MGAT5B: variants seen among roughly 807,000 people sequenced by gnomAD.
MGAT5B encodes alpha-1,6-mannosylglycoprotein 6-beta-N-acetylglucosaminyltransferase B.
MGAT5B carries 54 observed loss-of-function variants against 95.1 expected under a neutral mutation model. The ratio of observed to expected loss-of-function variants is 0.57; its 90% confidence interval spans 0.46 to 0.71. The LOEUF is 0.71. Among genes scored for constraint, MGAT5B ranks in the 30% least tolerant of loss-of-function variants. The probability of loss-of-function intolerance (pLI) is 0.00; values close to 1 mark genes in which losing one functional copy is unlikely to be tolerated. For synonymous variants in MGAT5B, 464 were observed against 451.0 expected, an observed-to-expected ratio of 1.03 and a Z score of -0.36; for missense variants, 935 against 1,088.6, an observed-to-expected ratio of 0.86 and a Z score of 1.99.
rs767338129 is a variant in MGAT5B at position 76,940,526 on chromosome 17, G to A, written c.1709G>A (p.Arg570Gln). The A allele has an allele frequency of 2.7e-5, 44 of 1,612,680 alleles. No individual in the cohort carries two copies. Among genetic ancestry groups the A allele is most frequent in the Middle Eastern group, 1.6e-4 (1 of 6,074 alleles). The change falls in exon 14 of 18, where the codon CGA becomes CAA. Residue 570 changes from arginine (R) to glutamine (Q), a missense_variant. Physicochemically the swap from Arg to Gln is conservative, Grantham distance 43. Around this residue, in one of 4 missense-constraint regions of MGAT5B, gnomAD observed 440 missense variants for 523.6 expected, o/e 0.84. Coordinates refer to ENST00000569840, the MANE Select transcript of MGAT5B (RefSeq NM_001199172.2). The surrounding 1 kb of genome is among the most constrained non-coding windows in gnomAD (Gnocchi z 4.3). ...AGCTCCCTCAACCACGAGTTCTTCC[G>A]AGGCAAGCCCACCTCCAGAGAGGTG... Reference protein sequence around the residue: ...PHSSLNHEFFRGKPTSREVFS... With the variant: ...PHSSLNHEFFQGKPTSREVFS...
chr17:76,883,651 T>C (rs1967513436), intron 3 of MGAT5B, among the ~76,000 whole-genome samples: 1 of 152,226 alleles, frequency 6.6e-6, no homozygotes, highest in Non-Finnish European at 1.5e-5. Context: ...CCACTTTCCC[T>C]CTTTTATATA....
Position 76,905,960 on chromosome 17 carries a change from G to A in MGAT5B, c.856-58G>A, listed in dbSNP as rs1271886998. ...TGGTCTCCTGGCCGGTGCCCCGGGG[G>A]GGCGGGGCTCAGAGCTGCTGCTCCT... On this transcript the variant is annotated intron_variant, in intron 7 of 17. Transcript: ENST00000569840. This position sits in a 1 kb window ranked among gnomAD's most constrained non-coding sequence, Gnocchi z 4.2. 5.3e-6 allele frequency: 8 copies of A among 1,502,860 alleles called. No individual in the cohort carries two copies. The highest frequency in any genetic ancestry group is 2.3e-4 in the Middle Eastern group (1 of 4,280). 93.1% of individuals were successfully genotyped at this position (1,502,860 alleles called of 1,614,324 possible).
intron 3 of MGAT5B, among the ~76,000 whole-genome samples, chr17:76,886,336 G>A (rs1015705600): frequency 1.4e-4 from 21 of 152,298 alleles, no homozygotes; most frequent in African/African-American, 5.1e-4. Flanking sequence ...CTCAGAGTGG[G>A]GCAGACCTGG....
At position 76,948,673 on chromosome 17, in the gene MGAT5B, G is replaced by A; in HGVS notation, c.2214G>A (p.Glu738=). The A allele has an allele frequency of 9.9e-6, 16 of 1,613,324 alleles. No individual in the cohort carries two copies. The highest frequency in any genetic ancestry group is 1.4e-5 in the Non-Finnish European group (16 of 1,179,858). The change falls in exon 18 of 18, where the codon GAG becomes GAA. Residue 738 remains glutamate (E), a synonymous_variant. Transcript: ENST00000569840. ...LQVPCDSTES[E]MNHLYPAFAQ... ...TGCCCTGTGACAGCACCGAGTCGGA[G>A]ATGAACCACCTGTACCCGGCGTTCG... is the stretch of plus-strand genomic sequence containing the variant.
At position 76,869,169 on chromosome 17, in the gene MGAT5B, G is replaced by T; in HGVS notation, c.68+72G>T. 2 of 1,327,042 alleles carry T rather than the reference G, an allele frequency of 1.5e-6. No homozygotes were observed. The highest frequency in any genetic ancestry group is 1.2e-5 in the South Asian group (1 of 85,130). The allele number at this position is 1,327,042 out of a possible 1,614,324, so 82.2% of individuals were successfully genotyped here. A position where few individuals can be genotyped will look rare whatever the true frequency, so the allele number is the denominator to read the frequency against. On this transcript the variant is annotated intron_variant, in intron 1 of 17. Coordinates refer to ENST00000569840, the MANE Select transcript of MGAT5B (RefSeq NM_001199172.2). This position sits in a 1 kb window ranked among gnomAD's most constrained non-coding sequence, Gnocchi z 7.0. Reference sequence around the variant, plus strand: ...GGAGGTGGGCGAGGTCGGTTCCTGCGAACGTTCAAGTCCTGGTGGCAGAGG... The same window carrying T: ...GGAGGTGGGCGAGGTCGGTTCCTGCTAACGTTCAAGTCCTGGTGGCAGAGG...
chr17:76,887,910 C>A (rs187697086), intron 3 of MGAT5B, among the ~76,000 whole-genome samples: 73 of 152,000 alleles, frequency 4.8e-4, no homozygotes, highest in African/African-American at 1.7e-3. Flanking sequence ...CTCTACTCCC[C>A]GCTCCCTCAT....
At chr17:76,885,230 C>T (rs549503695) in intron 3 of MGAT5B, among the ~76,000 whole-genome samples, 10 of 152,286 alleles carry the variant, frequency 6.6e-5, no homozygotes, top group African/African-American at 2.4e-4. Context: ...TCTTCTCTGA[C>T]ACTGTCTGTG....
chr17:76,908,393 A>G (rs1269847983), intron 8 of MGAT5B, among the ~76,000 whole-genome samples: 1 of 150,640 alleles, frequency 6.6e-6, no homozygotes, highest in Non-Finnish European at 1.5e-5. Context: ...CAGCCTCCTG[A>G]GTAGCTGGGA....
At chr17:76,935,858 AT>A (rs1969641867) in intron 12 of MGAT5B, among the ~76,000 whole-genome samples, 1 of 100,804 alleles carries the variant, frequency 9.9e-6, no homozygotes, top group Non-Finnish European at 2.0e-5. Flanking sequence ...TATACTATAT[AT>A]ATTATATACA....
At chr17:76,935,922 T>G (rs1969653372) in intron 12 of MGAT5B, among the ~76,000 whole-genome samples, 1 of 139,994 alleles carries the variant, frequency 7.1e-6, no homozygotes, top group South Asian at 2.1e-4. Flanking sequence ...TATTATATAT[T>G]ATATAATTAT....
chr17:76,881,019 G>A (rs774491800), intron 2 of MGAT5B, among the ~76,000 whole-genome samples: 13 of 152,168 alleles, frequency 8.5e-5, no homozygotes, highest in Non-Finnish European at 1.8e-4. Context: ...CTCGTTTTGG[G>A]GGAGTGATTT....
At chr17:76,932,246 C>T (rs1322222503) in intron 10 of MGAT5B, among the ~76,000 whole-genome samples, 1 of 152,040 alleles carries the variant, frequency 6.6e-6, no homozygotes, top group Non-Finnish European at 1.5e-5. Context: ...GATTCTCCCA[C>T]CTCAGCCTCT....
At position 76,948,100 on chromosome 17, in the gene MGAT5B, C is replaced by A; in HGVS notation, c.2180+14C>A. On this transcript the variant is annotated intron_variant, in intron 17 of 17. Coordinates refer to ENST00000569840, the MANE Select transcript of MGAT5B (RefSeq NM_001199172.2). The stretch of plus-strand genomic sequence containing the variant: ...CGCCTTCCTCAAGTGAGTGTTCCCC[C>A]ACCCTCCCCACCCAGCCGCTATCAT... 6.4e-7 allele frequency: 1 copy of A among 1,561,916 alleles called. No individual in the cohort carries two copies. The highest frequency in any genetic ancestry group is 8.7e-7 in the Non-Finnish European group (1 of 1,152,290).
chr17:76,903,596 G>T (rs925438405), intron 5 of MGAT5B, among the ~76,000 whole-genome samples: 1 of 152,200 alleles, frequency 6.6e-6, no homozygotes, highest in Non-Finnish European at 1.5e-5. Context: ...AAGTGTCACC[G>T]CCAGCAGCCG....
Position 76,938,711 on chromosome 17 carries a change from C to T in MGAT5B, c.1584+568C>T, listed in dbSNP as rs1459711656. Among the ~76,000 whole-genome samples the T allele has an allele frequency of 6.6e-6, 1 of 152,160 alleles. No homozygotes were observed. Among genetic ancestry groups the T allele is most frequent in the Non-Finnish European group, 1.5e-5 (1 of 68,028 alleles). ...CTCTTTTTTATGAGACAGGGTCTTGCTCTGTCACCCACGCTGGAGTGCAGT... is the reference window on the plus strand; with the variant it reads ...CTCTTTTTTATGAGACAGGGTCTTGTTCTGTCACCCACGCTGGAGTGCAGT... On this transcript the variant is annotated intron_variant, in intron 13 of 17. Coordinates refer to ENST00000569840, the MANE Select transcript of MGAT5B (RefSeq NM_001199172.2). The surrounding 1 kb of genome is among the most constrained non-coding windows in gnomAD (Gnocchi z 4.3).
rs749783334 is a variant in MGAT5B, at chr17:76,872,967, C to T, written c.181+4C>T. On this transcript the variant is annotated splice_donor_region_variant and intron_variant, in intron 2 of 17. Coordinates refer to ENST00000569840, the MANE Select transcript of MGAT5B (RefSeq NM_001199172.2). Reference sequence around the variant, plus strand: ...CCATTCACCATCCGCACAGAAGGTACCTTGGTGGGGCAAGGGGAGTGTGAG... The same window carrying T: ...CCATTCACCATCCGCACAGAAGGTATCTTGGTGGGGCAAGGGGAGTGTGAG... 11 of 1,613,374 alleles carry T rather than the reference C, an allele frequency of 6.8e-6. No individual in the cohort carries two copies. Among genetic ancestry groups the T allele is most frequent in the Admixed American group, 1.7e-5 (1 of 60,022 alleles).
intron 13 of MGAT5B, among the ~76,000 whole-genome samples, chr17:76,939,029 G>GGGGGTGTGTGTGTGT (rs1237086611): frequency 7.8e-6 from 1 of 128,190 alleles, no homozygotes; most frequent in Non-Finnish European, 1.6e-5. Flanking sequence ...GCATCTTGGG[G>GGGGGTGTGTGTGTGT]GTGTGTGTGT....
Position 76,938,099 on chromosome 17 carries a change from C to A in MGAT5B, c.1540C>A (p.Leu514Ile), listed in dbSNP as rs772890598. 42 of 1,614,144 alleles carry A rather than the reference C, an allele frequency of 2.6e-5. No homozygotes were observed. Among genetic ancestry groups the A allele is most frequent in the Non-Finnish European group, 3.6e-5 (42 of 1,180,048 alleles). The change falls in exon 13 of 18, where the codon CTC becomes ATC. Residue 514 changes from leucine (L) to isoleucine (I), a missense_variant. By Grantham distance (5) the Leu-to-Ile change is conservative. This residue lies in a region of MGAT5B where 440 missense variants were observed against 523.6 expected (regional missense o/e 0.84). Transcript: ENST00000569840. This position sits in a 1 kb window ranked among gnomAD's most constrained non-coding sequence, Gnocchi z 4.3. ...GCCAGCCTTTGTGAAGAACCACGGC[C>A]TCTTACCGCAGCCTGAGTTTCAGCA... Reference protein sequence around the residue: ...EVPAFVKNHGLLPQPEFQQLL... With the variant: ...EVPAFVKNHGILPQPEFQQLL...
intron 3 of MGAT5B, among the ~76,000 whole-genome samples, chr17:76,887,539 CTTCCTTTCTTTTTTCT>C (rs1967699418): frequency 9.4e-6 from 1 of 105,854 alleles, no homozygotes; most frequent in African/African-American, 4.4e-5. Flanking sequence ...CCCTTCCTTC[CTTCCTTTCTTTTTTCT>C]TTTCTTTTTT....
Sources: gnomAD v4.1 joint callset for allele counts (sites outside exome capture counted in the v4.1 genomes callset) on GRCh38, gnomAD v4.1.1 for gene constraint, gnomAD v4.1.1 regional missense constraint, Gnocchi (gnomAD v3.1) non-coding constraint, MANE v1.5 for transcripts, NCBI Gene and HGNC (gene_info 2026-07-23, HGNC 2026-07-21) for gene names.